TMCC3: variants seen among roughly 807,000 people sequenced by gnomAD.
TMCC3 encodes the protein transmembrane and coiled-coil domain family 3, also known as transmembrane and coiled-coil domain protein 3.
TMCC3 carries 28 observed loss-of-function variants against 40.2 expected under a neutral mutation model. The ratio of observed to expected loss-of-function variants is 0.70; its 90% CI spans 0.52 to 0.95. TMCC3 has a LOEUF of 0.95. Among genes scored for constraint, TMCC3 ranks in the 40% least tolerant of loss-of-function variants. The pLI is 0.00. For synonymous variants in TMCC3, 255 were observed against 248.5 expected, an observed-to-expected ratio of 1.03 and a Z score of -0.25; for missense variants, 554 against 615.2, an observed-to-expected ratio of 0.90 and a Z score of 1.05.
intron 1 of TMCC3, among the ~76,000 whole-genome samples, chr12:94,596,514 C>A (rs1387937999): frequency 6.6e-6 from 1 of 152,204 alleles, no homozygotes; most frequent in Non-Finnish European, 1.5e-5. Flanking sequence ...CACCCCCACG[C>A]CCAGCTAGGA....
At chr12:94,592,600 C>T (rs1419364294) in intron 1 of TMCC3, among the ~76,000 whole-genome samples, 6 of 65,266 alleles carry the variant, frequency 9.2e-5, no homozygotes, top group South Asian at 6.4e-4. Flanking sequence ...GCCAAGATTG[C>T]GCCGCTGCAG....
intron 1 of TMCC3, among the ~76,000 whole-genome samples, chr12:94,600,981 G>A (rs2068748944): frequency 1.3e-5 from 2 of 152,092 alleles, no homozygotes; most frequent in African/African-American, 2.4e-5. Flanking sequence ...AATTCTGAAT[G>A]AGACATCCAA....
At chr12:94,610,981 A>T (rs576009384) in intron 1 of TMCC3, among the ~76,000 whole-genome samples, 1 of 151,604 alleles carries the variant, frequency 6.6e-6, no homozygotes, top group Admixed American at 6.6e-5. Flanking sequence ...TTTTCATATT[A>T]AAAAAAAATC....
intron 3 of TMCC3, 103 bp from the exon 4 acceptor site, chr12:94,571,840 A>C: frequency 8.1e-7 from 1 of 1,234,720 alleles, no homozygotes; most frequent in Non-Finnish European, 1.1e-6. Flanking sequence ...AGAAAGCCCA[A>C]TGCCCAGGCG....
chr12:94,611,245 T>C (rs569198945), intron 1 of TMCC3, among the ~76,000 whole-genome samples: 5 of 152,130 alleles, frequency 3.3e-5, no homozygotes, highest in Non-Finnish European at 7.4e-5. Flanking sequence ...AATAAAACCA[T>C]GGCTTAAAAG....
chr12:94,634,093 C>G (rs1022327057), intron 1 of TMCC3, among the ~76,000 whole-genome samples: 1 of 151,934 alleles, frequency 6.6e-6, no homozygotes, highest in Non-Finnish European at 1.5e-5. Flanking sequence ...ATTACAGGTG[C>G]CCGCCATCAC....
At chr12:94,579,221 CCTTAG>C (rs2068585843) in intron 2 of TMCC3, among the ~76,000 whole-genome samples, 1 of 152,146 alleles carries the variant, frequency 6.6e-6, no homozygotes, top group African/African-American at 2.4e-5. Context: ...ATATTTGAAA[CCTTAG>C]CTGGGTGCAG....
chr12:94,619,992 T>G (rs1033644566), intron 1 of TMCC3, among the ~76,000 whole-genome samples: 6 of 152,016 alleles, frequency 3.9e-5, no homozygotes, highest in African/African-American at 1.4e-4. Flanking sequence ...GGAGAAACCC[T>G]GTCTCTACTA....
intron 1 of TMCC3, among the ~76,000 whole-genome samples, chr12:94,641,868 C>T (rs2068992913): frequency 6.6e-6 from 1 of 151,482 alleles, no homozygotes; most frequent in South Asian, 2.1e-4. Flanking sequence ...CTTCATTTTG[C>T]AAAACTTTAT....
intron 1 of TMCC3, among the ~76,000 whole-genome samples, chr12:94,634,242 G>T (rs1006542552): frequency 2.0e-5 from 3 of 152,032 alleles, no homozygotes; most frequent in Non-Finnish European, 2.9e-5. Flanking sequence ...ACCGTGCCTG[G>T]CCCAGTATAT....
intron 1 of TMCC3, among the ~76,000 whole-genome samples, chr12:94,597,680 T>C (rs1292301592): frequency 6.6e-6 from 1 of 151,800 alleles, no homozygotes; most frequent in African/African-American, 2.4e-5. Flanking sequence ...GTGGTGCATG[T>C]CTATAATCCC....
chr12:94,645,991 G>A (rs2069016014), intron 1 of TMCC3, among the ~76,000 whole-genome samples: 1 of 152,176 alleles, frequency 6.6e-6, no homozygotes, highest in African/African-American at 2.4e-5. Flanking sequence ...CCCCTATTAT[G>A]TAGAAGTAGG....
At chr12:94,579,637 G>A (rs981739144) in intron 2 of TMCC3, among the ~76,000 whole-genome samples, 1 of 152,226 alleles carries the variant, frequency 6.6e-6, no homozygotes, top group Non-Finnish European at 1.5e-5. Context: ...AATTTCAGAT[G>A]CTTACATAGG....
chr12:94,622,465 A>G (rs1052074049), intron 1 of TMCC3, among the ~76,000 whole-genome samples: 1 of 152,200 alleles, frequency 6.6e-6, no homozygotes, highest in Admixed American at 6.5e-5. Flanking sequence ...ATACCGAGAC[A>G]TTAAAAAAGG....
intron 1 of TMCC3, among the ~76,000 whole-genome samples, chr12:94,602,314 C>T (rs2068757788): frequency 6.6e-6 from 1 of 152,142 alleles, no homozygotes. Flanking sequence ...CAGAACTTAC[C>T]CTAAGACCTC....
At chr12:94,621,969 G>A (rs138105567) in intron 1 of TMCC3, among the ~76,000 whole-genome samples, 1,670 of 152,248 alleles carry the variant, frequency 0.011, 102 homozygotes, top group Admixed American at 0.091. Flanking sequence ...GTATCAGTAG[G>A]AGAAATATAC....
chr12:94,576,253 A>G (rs571425197), intron 3 of TMCC3, among the ~76,000 whole-genome samples: 1 of 152,342 alleles, frequency 6.6e-6, no homozygotes, highest in East Asian at 1.9e-4. Flanking sequence ...AACTGTCCCA[A>G]GTAGGCATCT....
chr12:94,639,056 T>C (rs1489606888), intron 1 of TMCC3, among the ~76,000 whole-genome samples: 1 of 152,212 alleles, frequency 6.6e-6, no homozygotes, highest in Non-Finnish European at 1.5e-5. Flanking sequence ...TGCCTGAAAT[T>C]CCCAAAGAAT....
chr12:94,578,076 G>A (rs2068576597), intron 3 of TMCC3, among the ~76,000 whole-genome samples: 1 of 144,622 alleles, frequency 6.9e-6, no homozygotes, highest in East Asian at 2.0e-4. Flanking sequence ...TTGAACTCGG[G>A]AGGCAGAGGT....
Sources: gnomAD v4.1 joint callset for allele counts (sites outside exome capture counted in the v4.1 genomes callset) on GRCh38, gnomAD v4.1.1 for gene constraint, MANE v1.5 for transcripts, NCBI Gene and HGNC (gene_info 2026-07-23, HGNC 2026-07-21) for gene names.